PEBP4: variants seen among roughly 807,000 people sequenced by gnomAD.
PEBP4 encodes phosphatidylethanolamine binding protein 4.
In PEBP4, 22 loss-of-function variants were observed where a neutral mutation model predicts 23.9. The observed-to-expected ratio is 0.92, with a 90% CI of 0.66 to 1.31. The LOEUF (loss-of-function observed/expected upper bound fraction) is 1.31. Among genes scored for constraint, PEBP4 ranks in the 40% most tolerant of loss-of-function variants. The pLI, the probability that PEBP4 is intolerant of heterozygous loss-of-function variation, is 0.00. For missense variants in PEBP4, 324 were observed against 281.7 expected, an observed-to-expected ratio of 1.15 and a Z score of -1.07; for synonymous variants, 112 against 99.3, an observed-to-expected ratio of 1.13 and a Z score of -0.76.
At chr8:22,729,488 G>C (rs56350254) in intron 4 of PEBP4, among the ~76,000 whole-genome samples, 22,734 of 152,330 alleles carry the variant, frequency 0.15, 2,012 homozygotes, top group Middle Eastern at 0.21. Context: ...CAGGGAGCTG[G>C]TTTGTGCAGA....
chr8:22,784,875 C>T (rs574336808), intron 4 of PEBP4, among the ~76,000 whole-genome samples: 1 of 152,290 alleles, frequency 6.6e-6, no homozygotes, highest in South Asian at 2.1e-4. Context: ...TCAACAGCGA[C>T]ATCAGGAGAA....
chr8:22,831,258 C>T (rs1377991430), intron 3 of PEBP4, among the ~76,000 whole-genome samples: 1 of 152,162 alleles, frequency 6.6e-6, no homozygotes, highest in Non-Finnish European at 1.5e-5. Context: ...ATTTCTTTCC[C>T]TCTGATGCTC....
chr8:22,877,664 TCC>T (rs1359684795), intron 3 of PEBP4, among the ~76,000 whole-genome samples: 1 of 3,676 alleles, frequency 2.7e-4, no homozygotes, highest in East Asian at 4.2e-3. Flanking sequence ...CCACCCCACC[TCC>T]CCACCTCCCC....
At chr8:22,734,350 G>A (rs1350336137) in intron 4 of PEBP4, among the ~76,000 whole-genome samples, 6 of 152,216 alleles carry the variant, frequency 3.9e-5, no homozygotes, top group African/African-American at 1.4e-4. Flanking sequence ...ACTGAGGTGG[G>A]TGGAATGAAG....
chr8:22,737,795 G>A (rs1042425532), intron 4 of PEBP4, among the ~76,000 whole-genome samples: 4 of 152,228 alleles, frequency 2.6e-5, no homozygotes, highest in East Asian at 1.9e-4. Context: ...CGATGATAAC[G>A]ATACCTGCCC....
intron 2 of PEBP4, chr8:22,924,542 G>A (rs909086668): frequency 2.6e-5 from 13 of 495,838 alleles, no homozygotes; most frequent in Non-Finnish European, 3.4e-5. Flanking sequence ...TGTGCACCTC[G>A]TGGATCCGCA....
chr8:22,803,027 C>A (rs1189147006), intron 4 of PEBP4, among the ~76,000 whole-genome samples: 1 of 152,188 alleles, frequency 6.6e-6, no homozygotes, highest in African/African-American at 2.4e-5. Context: ...GAATATCACT[C>A]AGTCTCCTGC....
chr8:22,765,116 T>TCTTCCTTC (rs113133723), intron 4 of PEBP4, among the ~76,000 whole-genome samples: 12,269 of 144,910 alleles, frequency 0.085, 557 homozygotes, highest in Middle Eastern at 0.093. Flanking sequence ...TTCCTTTATT[T>TCTTCCTTC]CTTCCTTCCT....
intron 4 of PEBP4, among the ~76,000 whole-genome samples, chr8:22,753,818 T>C (rs1805318547): frequency 1.3e-5 from 2 of 152,130 alleles, no homozygotes; most frequent in Non-Finnish European, 2.9e-5. Flanking sequence ...TGTGAGGGGC[T>C]GGAGCTGGGA....
chr8:22,777,273 T>C (rs1196891660), intron 4 of PEBP4, among the ~76,000 whole-genome samples: 1 of 152,154 alleles, frequency 6.6e-6, no homozygotes, highest in Non-Finnish European at 1.5e-5. Flanking sequence ...TCCATCTGCA[T>C]CATCTCTCAC....
intron 4 of PEBP4, among the ~76,000 whole-genome samples, chr8:22,792,472 G>T (rs1648351953): frequency 1.3e-5 from 2 of 152,010 alleles, no homozygotes; most frequent in Admixed American, 1.3e-4. Flanking sequence ...CCGTGTCCTT[G>T]GTCATATCCT....
intron 4 of PEBP4, among the ~76,000 whole-genome samples, chr8:22,783,504 G>A (rs748176815): frequency 3.9e-5 from 6 of 152,222 alleles, no homozygotes; most frequent in South Asian, 2.1e-4. Flanking sequence ...TTCTTATGGC[G>A]GTGGCCAGGT....
intron 3 of PEBP4, among the ~76,000 whole-genome samples, chr8:22,827,167 G>A (rs1806988125): frequency 6.6e-6 from 1 of 152,142 alleles, no homozygotes; most frequent in African/African-American, 2.4e-5. Flanking sequence ...TTGGGAGGAT[G>A]ATGATGACAT....
chr8:22,839,617 A>G (rs1291072154), intron 3 of PEBP4, among the ~76,000 whole-genome samples: 1 of 152,228 alleles, frequency 6.6e-6, no homozygotes, highest in Non-Finnish European at 1.5e-5. Context: ...TGTGTGAAAT[A>G]CAATAGCTAC....
At chr8:22,894,369 C>T (rs1042250166) in intron 3 of PEBP4, among the ~76,000 whole-genome samples, 2 of 151,950 alleles carry the variant, frequency 1.3e-5, no homozygotes, top group Non-Finnish European at 1.5e-5. Context: ...CCCAGGAGTT[C>T]GAGACCAGCC....
intron 3 of PEBP4, among the ~76,000 whole-genome samples, chr8:22,857,349 A>C (rs1807675554): frequency 6.6e-6 from 1 of 152,094 alleles, no homozygotes; most frequent in African/African-American, 2.4e-5. Context: ...GGGCTCCATC[A>C]CCTACCAATG....
intron 3 of PEBP4, chr8:22,885,652 GACA>G (rs1808358011): frequency 1.3e-5 from 2 of 152,372 alleles, no homozygotes; most frequent in East Asian, 1.9e-4. Context: ...ACAGTCTGTG[GACA>G]ACATCTCCAC....
At chr8:22,853,890 A>G (rs1380910571) in intron 3 of PEBP4, among the ~76,000 whole-genome samples, 1 of 152,220 alleles carries the variant, frequency 6.6e-6, no homozygotes, top group African/African-American at 2.4e-5. Flanking sequence ...CTTGGTTGGG[A>G]CAACAATTAT....
intron 3 of PEBP4, among the ~76,000 whole-genome samples, chr8:22,877,596 A>G (rs1808149218): frequency 6.6e-6 from 1 of 152,132 alleles, no homozygotes; most frequent in Non-Finnish European, 1.5e-5. Flanking sequence ...CACTGTTGGC[A>G]GCGGGGAGGA....
Sources: gnomAD v4.1 joint callset for allele counts (sites outside exome capture counted in the v4.1 genomes callset) on GRCh38, gnomAD v4.1.1 for gene constraint, MANE v1.5 for transcripts, NCBI Gene and HGNC (gene_info 2026-07-23, HGNC 2026-07-21) for gene names.